Variants in ARK2C observed in about 807,000 individuals in gnomAD.
ARK2C encodes the protein arkadia (RNF111) C-terminal like ring finger ubiquitin ligase 2C.
At chr18:46,413,220 C>A in the ARK2C span, among the ~76,000 whole-genome samples, 1 of 152,108 alleles carries the variant, frequency 6.6e-6, no homozygotes, top group Non-Finnish European at 1.5e-5. Context: ...CTGCCCCGAC[C>A]CGTTCCAAGG....
the ARK2C span, among the ~76,000 whole-genome samples, chr18:46,431,838 C>T: frequency 2.0e-5 from 3 of 152,228 alleles, no homozygotes; most frequent in Non-Finnish European, 4.4e-5. Context: ...GTAGCCACTG[C>T]CTCCAATTCC....
the ARK2C span, among the ~76,000 whole-genome samples, chr18:46,441,023 C>T: frequency 1.3e-5 from 2 of 152,084 alleles, no homozygotes; most frequent in Admixed American, 6.5e-5. Flanking sequence ...GATACAGGGT[C>T]TTGCTCTGTC....
At chr18:46,344,015 AC>A in the ARK2C span, among the ~76,000 whole-genome samples, 2 of 152,170 alleles carry the variant, frequency 1.3e-5, no homozygotes, top group Non-Finnish European at 2.9e-5. Context: ...TTTCCTTGAA[AC>A]ATGCCTGGGT....
the ARK2C span, among the ~76,000 whole-genome samples, chr18:46,414,744 C>A: frequency 6.6e-6 from 1 of 152,180 alleles, no homozygotes; most frequent in Non-Finnish European, 1.5e-5. Flanking sequence ...CACGTGGAAT[C>A]CTGGTCCTCA....
chr18:46,347,965 A>C, the ARK2C span, among the ~76,000 whole-genome samples: 10 of 152,208 alleles, frequency 6.6e-5, no homozygotes, highest in African/African-American at 2.4e-4. Context: ...TAATAACCAT[A>C]AGGGCAGTAG....
the ARK2C span, among the ~76,000 whole-genome samples, chr18:46,406,919 T>C: frequency 6.6e-6 from 1 of 152,180 alleles, no homozygotes; most frequent in African/African-American, 2.4e-5. Flanking sequence ...AAGGATAGGG[T>C]AGGGAAAGGG....
the ARK2C span, among the ~76,000 whole-genome samples, chr18:46,374,615 T>C: frequency 1.4e-4 from 1 of 7,344 alleles, no homozygotes; most frequent in African/African-American, 6.5e-4. Context: ...CCAGGTGGCT[T>C]TATGCCTTCT....
chr18:46,382,142 C>T, the ARK2C span, among the ~76,000 whole-genome samples: 672 of 152,334 alleles, frequency 4.4e-3, 6 homozygotes, highest in Admixed American at 7.5e-3. Flanking sequence ...GGGTTTCAAA[C>T]ATGGCAAGGT....
chr18:46,433,601 G>A, the ARK2C span: 84 of 1,125,058 alleles, frequency 7.5e-5, no homozygotes, highest in Non-Finnish European at 8.3e-5. Context: ...GGCGTGGCCC[G>A]GGTGTGGCGG....
chr18:46,412,558 C>T, the ARK2C span, among the ~76,000 whole-genome samples: 137 of 152,318 alleles, frequency 9.0e-4, no homozygotes, highest in Non-Finnish European at 1.6e-3. Context: ...GGCCGATGTC[C>T]AGTCATGTGC....
the ARK2C span, among the ~76,000 whole-genome samples, chr18:46,434,193 C>G: frequency 6.6e-6 from 1 of 152,178 alleles, no homozygotes; most frequent in Admixed American, 6.5e-5. Context: ...GTCAGTGGAT[C>G]TCAAACTTTT....
chr18:46,398,465 G>T, the ARK2C span, among the ~76,000 whole-genome samples: 2 of 152,032 alleles, frequency 1.3e-5, no homozygotes, highest in African/African-American at 2.4e-5. Flanking sequence ...CAAGGTGCCT[G>T]CTGGTGGGCA....
the ARK2C span, among the ~76,000 whole-genome samples, chr18:46,405,093 G>T: frequency 3.9e-5 from 6 of 152,162 alleles, no homozygotes; most frequent in African/African-American, 1.4e-4. Context: ...TTTTATCTAG[G>T]ACCTGATTCA....
At chr18:46,454,920 TG>T in the ARK2C span, among the ~76,000 whole-genome samples, 1 of 152,186 alleles carries the variant, frequency 6.6e-6, no homozygotes, top group Non-Finnish European at 1.5e-5. Context: ...TGACCAAGTA[TG>T]GGGTGGTACT....
chr18:46,392,050 C>T, the ARK2C span, among the ~76,000 whole-genome samples: 1 of 151,846 alleles, frequency 6.6e-6, no homozygotes, highest in Non-Finnish European at 1.5e-5. Context: ...ATACATACAA[C>T]ACACACACCA....
At chr18:46,403,324 A>G in the ARK2C span, among the ~76,000 whole-genome samples, 3 of 152,208 alleles carry the variant, frequency 2.0e-5, no homozygotes, top group Admixed American at 2.0e-4. Flanking sequence ...GCCCAAGGCT[A>G]AGCACAGAAG....
At chr18:46,390,470 T>C in the ARK2C span, among the ~76,000 whole-genome samples, 1 of 152,232 alleles carries the variant, frequency 6.6e-6, no homozygotes, top group Non-Finnish European at 1.5e-5. Flanking sequence ...ACTGCTTCTA[T>C]GTCTTCGGGT....
chr18:46,406,242 C>G, the ARK2C span, among the ~76,000 whole-genome samples: 1 of 152,172 alleles, frequency 6.6e-6, no homozygotes, highest in African/African-American at 2.4e-5. Flanking sequence ...TTGAACCCCC[C>G]TCTCAACCTC....
At chr18:46,362,822 C>A in the ARK2C span, among the ~76,000 whole-genome samples, 2 of 152,186 alleles carry the variant, frequency 1.3e-5, no homozygotes, top group Non-Finnish European at 2.9e-5. Context: ...GCACAACATA[C>A]GAGAGCCAAG....
Sources: allele counts gnomAD v4.1 joint callset (sites outside exome capture counted in the v4.1 genomes callset), GRCh38; gene constraint gnomAD v4.1.1; transcripts MANE v1.5; gene names NCBI Gene and HGNC (gene_info 2026-07-23, HGNC 2026-07-21).